The following SPANXN4 variants were observed in gnomAD, a reference collection of about 807,000 sequenced individuals.
SPANXN4 encodes the protein SPANX family member N4.
A neutral mutation model predicts 6.0 loss-of-function variants in SPANXN4; 5 were observed. The observed-to-expected ratio is 0.83, with a 90% confidence interval of 0.44 to 1.75. The LOEUF is 1.75. Among genes scored for constraint, SPANXN4 ranks in the 40% most tolerant of loss-of-function variants. SPANXN4 has a pLI of 0.02. For synonymous variants in SPANXN4, 45 were observed against 38.0 expected (o/e 1.19, Z -0.68); for missense variants, 157 against 108.6 (o/e 1.45, Z -1.98).
intron 2 of SPANXN4, 79 bp downstream of exon 2, chrX:143,034,390 G>T (rs45590235): frequency 0.086 from 90,743 of 1,052,698 alleles, 2,852 homozygotes; most frequent in South Asian, 0.2. Context: ...AGAACGGAGG[G>T]ATATGAGATC....
At chrX:143,038,301 T>G (rs1932853143), downstream of SPANXN4, among the ~76,000 whole-genome samples, 1 of 112,018 alleles carries the variant, frequency 8.9e-6, no homozygotes, top group African/African-American at 3.2e-5. Context: ...ACATGAAAAC[T>G]GTTTCTCATT....
downstream of SPANXN4, among the ~76,000 whole-genome samples, chrX:143,037,188 CA>C (rs1045148444): frequency 1.8e-5 from 2 of 110,429 alleles, no homozygotes; most frequent in South Asian, 3.9e-4. Context: ...TTTTTCCCTT[CA>C]AAAAAACCGA....
chrX:143,031,547 G>A (rs930168513), intron 1 of SPANXN4, among the ~76,000 whole-genome samples: 7 of 111,674 alleles, frequency 6.3e-5, no homozygotes, highest in Non-Finnish European at 1.3e-4. Flanking sequence ...TGGGTGTCCT[G>A]GGATTAGGGC....
At chrX:143,030,874 T>C (rs1040784020) in intron 1 of SPANXN4, among the ~76,000 whole-genome samples, 1 of 111,258 alleles carries the variant, frequency 9.0e-6, no homozygotes, top group South Asian at 3.8e-4. Context: ...TTACAGATAA[T>C]AGGCTTGAGG....
intron 1 of SPANXN4, among the ~76,000 whole-genome samples, chrX:143,029,709 C>T (rs1932798345): frequency 9.0e-6 from 1 of 110,876 alleles, no homozygotes; most frequent in Non-Finnish European, 1.9e-5. Flanking sequence ...ATGAGTAAGG[C>T]ATGTACCTGC....
intron 1 of SPANXN4, among the ~76,000 whole-genome samples, chrX:143,033,408 G>A (rs149759579): frequency 0.013 from 1,429 of 111,110 alleles, 13 homozygotes; most frequent in South Asian, 0.021. Context: ...GGTTTTGAAG[G>A]GAAGGCAAGG....
At chrX:143,027,286 G>C (rs1932783938) in intron 1 of SPANXN4, among the ~76,000 whole-genome samples, 2 of 111,845 alleles carry the variant, frequency 1.8e-5, no homozygotes. Flanking sequence ...GTTTGGTTTT[G>C]GAGAGAGAGA....
At chrX:143,033,050 G>A (rs1281717727) in intron 1 of SPANXN4, among the ~76,000 whole-genome samples, 1 of 111,723 alleles carries the variant, frequency 9.0e-6, no homozygotes, top group Non-Finnish European at 1.9e-5. Context: ...GGATTTTCTG[G>A]AGAACCAGCA....
downstream of SPANXN4, among the ~76,000 whole-genome samples, chrX:143,035,755 C>T (rs868332437): frequency 8.2e-5 from 9 of 109,412 alleles, no homozygotes; most frequent in African/African-American, 3.0e-4. Flanking sequence ...AAATGATTAG[C>T]ATACCTCTCT....
At chrX:143,036,790 AT>A (rs1201423736), downstream of SPANXN4, among the ~76,000 whole-genome samples, 3 of 111,586 alleles carry the variant, frequency 2.7e-5, no homozygotes, top group African/African-American at 9.8e-5. Flanking sequence ...AAGCTTGTCA[AT>A]ATCTGCAAAA....
chrX:143,036,766 G>A (rs578220634), downstream of SPANXN4, among the ~76,000 whole-genome samples: 2 of 111,430 alleles, frequency 1.8e-5, no homozygotes, highest in Admixed American at 9.5e-5. Context: ...TTAAATTTAC[G>A]TGAGTTTTAA....
At chrX:143,032,057 G>A (rs1400136192) in intron 1 of SPANXN4, among the ~76,000 whole-genome samples, 2 of 112,058 alleles carry the variant, frequency 1.8e-5, no homozygotes, top group Non-Finnish European at 3.8e-5. Context: ...TTGGTGGAGG[G>A]TGTTTGCATT....
intron 1 of SPANXN4, among the ~76,000 whole-genome samples, chrX:143,030,513 G>A (rs1166684655): frequency 9.1e-6 from 1 of 110,275 alleles, no homozygotes; most frequent in Non-Finnish European, 1.9e-5. Flanking sequence ...GAATAGGTGG[G>A]GGCTATCCTG....
At chrX:143,031,584 T>C (rs138818843) in intron 1 of SPANXN4, among the ~76,000 whole-genome samples, 21 of 112,161 alleles carry the variant, frequency 1.9e-4, no homozygotes, top group Non-Finnish European at 3.6e-4. Context: ...TCCCTGTTGG[T>C]TGCACTTATA....
At chrX:143,035,063 G>A (rs1466831355), downstream of SPANXN4, among the ~76,000 whole-genome samples, 2 of 83,019 alleles carry the variant, frequency 2.4e-5, no homozygotes, top group Non-Finnish European at 4.5e-5. Flanking sequence ...ACGACAGAGT[G>A]AGACTCTGTC....
downstream of SPANXN4, chrX:143,034,819 G>T: frequency 4.2e-6 from 4 of 948,373 alleles, no homozygotes; most frequent in South Asian, 1.7e-4. Context: ...GAAACTCTAG[G>T]TGGAGCAGTC....
intron 1 of SPANXN4, among the ~76,000 whole-genome samples, chrX:143,032,594 C>CAG (rs201565043): frequency 0.052 from 5,663 of 109,940 alleles, 408 homozygotes; most frequent in African/African-American, 0.18. Context: ...AAAAGATTGG[C>CAG]AGAGAGAGAG....
intron 1 of SPANXN4, among the ~76,000 whole-genome samples, chrX:143,027,483 G>A (rs750225166): frequency 2.7e-5 from 3 of 111,348 alleles, no homozygotes; most frequent in East Asian, 5.7e-4. Flanking sequence ...AGCTTGTATC[G>A]TGTTCAGTTA....
chrX:143,031,209 G>T (rs1258327964), intron 1 of SPANXN4, among the ~76,000 whole-genome samples: 1 of 111,175 alleles, frequency 9.0e-6, no homozygotes, highest in African/African-American at 3.3e-5. Context: ...GTGTTGAATA[G>T]ATTGTATAAT....
Sources: gnomAD v4.1 joint callset for allele counts (sites outside exome capture counted in the v4.1 genomes callset) on GRCh38, gnomAD v4.1.1 for gene constraint, MANE v1.5 for transcripts, NCBI Gene and HGNC (gene_info 2026-07-23, HGNC 2026-07-21) for gene names.